RANBP17: variants seen among roughly 807,000 people sequenced by gnomAD.
RANBP17 encodes ran-binding protein 17.
In RANBP17, 158 loss-of-function variants were observed where a neutral mutation model predicts 141.2. The ratio of observed to expected loss-of-function variants is 1.12; its 90% confidence interval spans 0.98 to 1.28. The LOEUF (loss-of-function observed/expected upper bound fraction) is 1.28. RANBP17 is among the 50% of genes most tolerant of loss of function. The pLI, the probability that RANBP17 is intolerant of heterozygous loss-of-function variation, is 0.00. For missense variants in RANBP17, 1,438 were observed against 1,290.7 expected, an observed-to-expected ratio of 1.11 and a Z score of -1.75; for synonymous variants, 430 against 450.0, an observed-to-expected ratio of 0.96 and a Z score of 0.56.
chr5:170,963,628 C>T (rs1246956043), intron 13 of RANBP17, among the ~76,000 whole-genome samples: 1 of 152,160 alleles, frequency 6.6e-6, no homozygotes, highest in Admixed American at 6.6e-5. Flanking sequence ...ACCTAGATCC[C>T]TCGCATGCAC....
chr5:171,006,948 G>A (rs6884967), intron 14 of RANBP17, among the ~76,000 whole-genome samples: 3,960 of 152,178 alleles, frequency 0.026, 157 homozygotes, highest in African/African-American at 0.089. Flanking sequence ...ACGTAATCTC[G>A]CTTAGCTATA....
chr5:171,126,416 A>G (rs1212022616), intron 14 of RANBP17, among the ~76,000 whole-genome samples: 2 of 152,222 alleles, frequency 1.3e-5, no homozygotes, highest in Non-Finnish European at 2.9e-5. Context: ...AAGGAACTAG[A>G]AAAATAAGAA....
At chr5:170,980,455 A>C (rs1453857466) in intron 14 of RANBP17, among the ~76,000 whole-genome samples, 4 of 152,100 alleles carry the variant, frequency 2.6e-5, no homozygotes, top group Non-Finnish European at 5.9e-5. Context: ...TAGGAAGAAA[A>C]AATGGTTTCA....
At chr5:171,037,009 C>G (rs1398949327) in intron 14 of RANBP17, among the ~76,000 whole-genome samples, 4 of 152,062 alleles carry the variant, frequency 2.6e-5, no homozygotes, top group Non-Finnish European at 5.9e-5. Flanking sequence ...TTTGAGAAAT[C>G]CCAAGGTACT....
chr5:171,159,157 G>A (rs1251414065), intron 14 of RANBP17, among the ~76,000 whole-genome samples: 1 of 152,100 alleles, frequency 6.6e-6, no homozygotes, highest in Non-Finnish European at 1.5e-5. Context: ...CTTGTTTAGT[G>A]GCAGGCCCTT....
chr5:171,075,163 T>C (rs1784839643), intron 14 of RANBP17, among the ~76,000 whole-genome samples: 1 of 152,224 alleles, frequency 6.6e-6, no homozygotes, highest in South Asian at 2.1e-4. Flanking sequence ...AAATGAAATT[T>C]AGCAGGGACA....
chr5:171,013,867 T>G (rs1322177570), intron 14 of RANBP17, among the ~76,000 whole-genome samples: 1 of 152,130 alleles, frequency 6.6e-6, no homozygotes, highest in Non-Finnish European at 1.5e-5. Context: ...TTTGACATTT[T>G]AAGAATATTG....
At chr5:170,957,437 CT>C (rs1561930378) in intron 13 of RANBP17, among the ~76,000 whole-genome samples, 3 of 152,262 alleles carry the variant, frequency 2.0e-5, no homozygotes, top group Admixed American at 6.5e-5. Flanking sequence ...AATTTGCCTA[CT>C]TCATAAAATG....
At chr5:171,124,675 T>A (rs1450043030) in intron 14 of RANBP17, among the ~76,000 whole-genome samples, 1 of 152,044 alleles carries the variant, frequency 6.6e-6, no homozygotes, top group Non-Finnish European at 1.5e-5. Context: ...TCTACTGTTA[T>A]GAAAACACAT....
chr5:171,035,741 T>G (rs1368255227), intron 14 of RANBP17, among the ~76,000 whole-genome samples: 22 of 122,852 alleles, frequency 1.8e-4, no homozygotes, highest in Admixed American at 5.4e-4. Context: ...TTTTTTGTTT[T>G]TTTTTTTTTT....
At chr5:171,233,956 G>A (rs1324704975) in intron 22 of RANBP17, among the ~76,000 whole-genome samples, 1 of 152,120 alleles carries the variant, frequency 6.6e-6, no homozygotes, top group African/African-American at 2.4e-5. Flanking sequence ...GGGGGATGTT[G>A]ATAGTAGGGA....
rs183924762 is a variant in RANBP17 at position 171,031,446 on chromosome 5, C to G, written c.1710+63069C>G. Among the ~76,000 whole-genome samples the G allele has an allele frequency of 1.3e-3, 199 of 152,096 alleles. 1 individual carries two copies. The highest frequency in any genetic ancestry group is 4.7e-3 in the African/African-American group (194 of 41,528). On this transcript the variant is annotated intron_variant, in intron 14 of 27. Coordinates refer to ENST00000523189, the MANE Select transcript of RANBP17 (RefSeq NM_022897.5). Reference sequence around the variant, plus strand: ...CTGCTGACCCCACCACAAGCTTTACCTGTTAAGTAAAATATGTTGTGTTTG... The same window carrying G: ...CTGCTGACCCCACCACAAGCTTTACGTGTTAAGTAAAATATGTTGTGTTTG...
At chr5:171,154,931 GC>G (rs1758752269) in intron 14 of RANBP17, among the ~76,000 whole-genome samples, 1 of 151,482 alleles carries the variant, frequency 6.6e-6, no homozygotes, top group African/African-American at 2.4e-5. Context: ...CGAAAAATTA[GC>G]CGGGCATGGT....
chr5:170,911,120 CA>C lies in RANBP17; in HGVS notation c.748del (p.Thr250LeufsTer29). The C allele has an allele frequency of 6.2e-7, 1 of 1,611,028 alleles. No individual in the cohort carries two copies. Among genetic ancestry groups the C allele is most frequent in the Non-Finnish European group, 8.5e-7 (1 of 1,178,164 alleles). On this transcript the variant is annotated frameshift_variant, in exon 7 of 28. Coordinates refer to ENST00000523189, the MANE Select transcript of RANBP17 (RefSeq NM_022897.5). LOFTEE classifies it high-confidence loss of function. Reference protein sequence around the residue: ...ADDLCTVQIPTTWRTIFLEPE... With the variant: ...ADDLCTVQIPXTWRTIFLEPE... ...GATCTTTGCACGGTGCAGATTCCAA[CA>C]ACTTGGAGAACAAGTAAGAAAAAAC...
intron 14 of RANBP17, among the ~76,000 whole-genome samples, chr5:171,089,830 G>A (rs767745357): frequency 4.7e-4 from 71 of 152,294 alleles, no homozygotes; most frequent in Non-Finnish European, 8.8e-4. Context: ...CGCACGGTGC[G>A]TGCACCCACT....
At chr5:171,132,670 C>A (rs13357161) in intron 14 of RANBP17, among the ~76,000 whole-genome samples, 1 of 151,790 alleles carries the variant, frequency 6.6e-6, no homozygotes, top group East Asian at 1.9e-4. Flanking sequence ...TACAGTGAAC[C>A]CTGATCACAC....
chr5:171,263,814 G>A (rs1015343376), intron 24 of RANBP17, among the ~76,000 whole-genome samples: 1 of 152,184 alleles, frequency 6.6e-6, no homozygotes, highest in East Asian at 1.9e-4. Context: ...TATAATCCCA[G>A]CACTTTGGGA....
At chr5:171,037,099 C>A (rs1414948480) in intron 14 of RANBP17, among the ~76,000 whole-genome samples, 3 of 151,948 alleles carry the variant, frequency 2.0e-5, no homozygotes, top group Non-Finnish European at 4.4e-5. Context: ...TTGCCAGCAT[C>A]TATTGTTTTT....
intron 14 of RANBP17, among the ~76,000 whole-genome samples, chr5:171,154,909 C>G (rs1758749426): frequency 6.6e-6 from 1 of 151,450 alleles, no homozygotes; most frequent in Non-Finnish European, 1.5e-5. Flanking sequence ...AACCCTGTCT[C>G]TACTAAAAAT....
Sources: allele counts gnomAD v4.1 joint callset (sites outside exome capture counted in the v4.1 genomes callset), GRCh38; gene constraint gnomAD v4.1.1; transcripts MANE v1.5; gene names NCBI Gene and HGNC (gene_info 2026-07-23, HGNC 2026-07-21).